The following HLCS variants were observed in gnomAD, a reference collection of about 807,000 sequenced individuals.
The protein encoded by HLCS is holocarboxylase synthetase.
HLCS carries 53 observed loss-of-function variants against 75.0 expected under a neutral mutation model. That is an observed-to-expected ratio of 0.71 (90% CI 0.57 to 0.89). The LOEUF is 0.89. HLCS is among the 40% of genes least tolerant of loss of function. The probability of loss-of-function intolerance (pLI) is 0.00; values close to 1 mark genes in which losing one functional copy is unlikely to be tolerated. For missense variants in HLCS, 966 were observed against 1,074.0 expected, an observed-to-expected ratio of 0.90 and a Z score of 1.41; for synonymous variants, 431 against 428.6, an observed-to-expected ratio of 1.01 and a Z score of -0.07.
At chr21:36,944,040 C>T (rs2146565567) in intron 2 of HLCS, 1 of 152,252 alleles carries the variant, frequency 6.6e-6, no homozygotes, top group African/African-American at 2.4e-5. Flanking sequence ...TGAACATATA[C>T]GGCTTCTAGA....
At chr21:36,914,070 C>A (rs1265348175) in intron 5 of HLCS, among the ~76,000 whole-genome samples, 2 of 152,214 alleles carry the variant, frequency 1.3e-5, no homozygotes, top group African/African-American at 2.4e-5. Flanking sequence ...AATATTAATA[C>A]CTTGACCTCT....
rs183589834 is a variant in HLCS at position 36,878,353 on chromosome 21, T to C, written c.1892+18507A>G. Among the ~76,000 whole-genome samples, 598 of 152,298 alleles carry C rather than the reference T, an allele frequency of 3.9e-3. 7 individuals are homozygous for C. Among genetic ancestry groups the C allele is most frequent in the African/African-American group, 0.014 (576 of 41,584 alleles). ...AAATTACATTCTCTGTGGGTAATCA[T>C]TGAAGGGTCATTGTGAACTAGACAG... On this transcript the variant is annotated intron_variant, in intron 6 of 10. Coordinates refer to ENST00000674895, the MANE Select transcript of HLCS (RefSeq NM_001352514.2).
At chr21:36,774,017 G>C (rs1568989333) in intron 6 of HLCS, among the ~76,000 whole-genome samples, 1 of 151,998 alleles carries the variant, frequency 6.6e-6, no homozygotes, top group Non-Finnish European at 1.5e-5. Context: ...CTACTTTCTA[G>C]GCAGGAATGC....
chr21:36,791,700 C>A (rs1197725708), intron 6 of HLCS, among the ~76,000 whole-genome samples: 1 of 151,942 alleles, frequency 6.6e-6, no homozygotes, highest in Non-Finnish European at 1.5e-5. Flanking sequence ...TGCCGAGCAC[C>A]CTCGAGGGTG....
intron 6 of HLCS, among the ~76,000 whole-genome samples, chr21:36,808,550 C>T (rs923215873): frequency 3.9e-5 from 6 of 152,188 alleles, no homozygotes; most frequent in East Asian, 1.9e-4. Flanking sequence ...TTCTCACCAT[C>T]GAGGTCCGTA....
At chr21:36,815,785 T>C (rs774310778) in intron 6 of HLCS, among the ~76,000 whole-genome samples, 13 of 152,210 alleles carry the variant, frequency 8.5e-5, no homozygotes, top group Non-Finnish European at 1.5e-4. Flanking sequence ...AGTGTTTACA[T>C]AGACCAAGGA....
intron 6 of HLCS, among the ~76,000 whole-genome samples, chr21:36,825,267 G>A (rs1467801487): frequency 6.6e-6 from 1 of 151,988 alleles, no homozygotes; most frequent in African/African-American, 2.4e-5. Context: ...ATGTGTCTCT[G>A]GTCCTGGCTA....
At chr21:36,769,598 GGCAGCCGAGT>G (rs1363229942) in intron 6 of HLCS, among the ~76,000 whole-genome samples, 7 of 152,232 alleles carry the variant, frequency 4.6e-5, no homozygotes, top group African/African-American at 1.4e-4. Context: ...TTCTGTGAGT[GGCAGCCGAGT>G]GCATTCACTG....
chr21:36,915,905 G>A (rs554016513), intron 5 of HLCS, among the ~76,000 whole-genome samples: 12 of 152,112 alleles, frequency 7.9e-5, no homozygotes, highest in Admixed American at 4.6e-4. Flanking sequence ...GGGGGCTCTC[G>A]GTGCACAGGA....
chr21:36,990,210 C>G (rs1490172817), exon 1 of HLCS: 1 of 152,660 alleles, frequency 6.6e-6, no homozygotes, highest in Non-Finnish European at 1.5e-5. Context: ...CCGCGAATCC[C>G]TGCCGCGCCG....
chr21:36,788,084 A>G (rs779277343), intron 6 of HLCS, among the ~76,000 whole-genome samples: 2 of 151,704 alleles, frequency 1.3e-5, no homozygotes, highest in Non-Finnish European at 2.9e-5. Context: ...TGGGGCCACC[A>G]CTCCCCACAA....
chr21:36,815,376 T>C (rs2061633136), intron 6 of HLCS, among the ~76,000 whole-genome samples: 1 of 152,184 alleles, frequency 6.6e-6, no homozygotes, highest in Non-Finnish European at 1.5e-5. Context: ...AGATTTGGTC[T>C]CTTCTGAGGT....
intron 6 of HLCS, among the ~76,000 whole-genome samples, chr21:36,853,085 T>C (rs2063068114): frequency 1.3e-5 from 2 of 152,194 alleles, no homozygotes; most frequent in African/African-American, 4.8e-5. Context: ...GAGATTCTCA[T>C]GATGAATAGG....
intron 5 of HLCS, among the ~76,000 whole-genome samples, chr21:36,923,064 G>A (rs1410269725): frequency 6.6e-6 from 1 of 152,152 alleles, no homozygotes; most frequent in Non-Finnish European, 1.5e-5. Context: ...CGCACCCACC[G>A]CCAGCTCTGG....
intron 10 of HLCS, among the ~76,000 whole-genome samples, chr21:36,754,926 A>G (rs13050215): frequency 0.067 from 10,255 of 152,268 alleles, 397 homozygotes; most frequent in Middle Eastern, 0.17. Flanking sequence ...GAAGTATAGA[A>G]TTTTCTCAAG....
intron 6 of HLCS, among the ~76,000 whole-genome samples, chr21:36,854,570 GA>G (rs988346611): frequency 5.9e-5 from 9 of 152,160 alleles, no homozygotes; most frequent in African/African-American, 2.2e-4. Flanking sequence ...TCAAGGTGGG[GA>G]AAAGCTTAAG....
chr21:36,931,507 T>C (rs1483029076), intron 4 of HLCS, among the ~76,000 whole-genome samples: 2 of 152,094 alleles, frequency 1.3e-5, no homozygotes, highest in Non-Finnish European at 2.9e-5. Flanking sequence ...CCCAACACTT[T>C]GGAAGACCAA....
intron 6 of HLCS, among the ~76,000 whole-genome samples, chr21:36,836,968 G>A (rs1032160726): frequency 2.1e-4 from 32 of 152,158 alleles, no homozygotes; most frequent in Non-Finnish European, 3.7e-4. Flanking sequence ...TGGATCACCT[G>A]AGGTCATGAG....
At chr21:36,953,034 C>T (rs1210704336) in intron 2 of HLCS, among the ~76,000 whole-genome samples, 2 of 152,142 alleles carry the variant, frequency 1.3e-5, no homozygotes, top group African/African-American at 4.8e-5. Flanking sequence ...ACCAAGGGGG[C>T]TATGTGACAA....
Sources: gnomAD v4.1 joint callset for allele counts (sites outside exome capture counted in the v4.1 genomes callset) on GRCh38, gnomAD v4.1.1 for gene constraint, MANE v1.5 for transcripts, NCBI Gene and HGNC (gene_info 2026-07-23, HGNC 2026-07-21) for gene names.